RHEB: variants seen among roughly 807,000 people sequenced by gnomAD.
The protein encoded by RHEB is Ras homolog, mTORC1 binding.
A neutral mutation model predicts 28.8 loss-of-function variants in RHEB; 2 were observed. The observed-to-expected ratio is 0.07, with a 90% CI of 0.03 to 0.22. The LOEUF (loss-of-function observed/expected upper bound fraction) is 0.22, where lower values mean the gene tolerates loss of function less well. RHEB is among the 10% of genes least tolerant of loss of function. The probability of loss-of-function intolerance (pLI) is 1.00; values close to 1 mark genes in which losing one functional copy is unlikely to be tolerated. For synonymous variants in RHEB, 69 were observed against 77.3 expected (o/e 0.89, Z 0.56); for missense variants, 76 against 219.9 (o/e 0.35, Z 4.14).
intron 1 of RHEB, among the ~76,000 whole-genome samples, chr7:151,511,035 G>A (rs1295871283): frequency 6.6e-6 from 1 of 151,942 alleles, no homozygotes; most frequent in East Asian, 1.9e-4. Context: ...CCGAGATCGC[G>A]ACATTGCACT....
intron 1 of RHEB, among the ~76,000 whole-genome samples, chr7:151,496,385 A>C (rs1467748768): frequency 6.6e-6 from 1 of 151,940 alleles, no homozygotes; most frequent in East Asian, 1.9e-4. Context: ...TCTAATCCAA[A>C]CCATCTCTAC....
chr7:151,514,466 T>C (rs1803042177), intron 1 of RHEB, among the ~76,000 whole-genome samples: 1 of 152,070 alleles, frequency 6.6e-6, no homozygotes, highest in Non-Finnish European at 1.5e-5. Context: ...GCAAATCCTA[T>C]GATACCACTT....
chr7:151,482,923 G>A (rs1444790378), intron 3 of RHEB, among the ~76,000 whole-genome samples: 1 of 152,130 alleles, frequency 6.6e-6, no homozygotes, highest in Non-Finnish European at 1.5e-5. Flanking sequence ...CCCTAACAGA[G>A]ACTTCTACTG....
At chr7:151,467,484 C>T (rs1443682834) in intron 7 of RHEB, among the ~76,000 whole-genome samples, 1 of 151,930 alleles carries the variant, frequency 6.6e-6, no homozygotes, top group Non-Finnish European at 1.5e-5. Flanking sequence ...CTCCCAGACT[C>T]ACCACCATCT....
chr7:151,505,557 C>T (rs1029367710), intron 1 of RHEB, among the ~76,000 whole-genome samples: 1 of 152,174 alleles, frequency 6.6e-6, no homozygotes, highest in African/African-American at 2.4e-5. Context: ...CTAGTGGAGG[C>T]ATAAAATGGT....
At chr7:151,477,760 C>T (rs973807168) in intron 3 of RHEB, among the ~76,000 whole-genome samples, 1 of 152,140 alleles carries the variant, frequency 6.6e-6, no homozygotes, top group Non-Finnish European at 1.5e-5. Context: ...TTCTAGACCT[C>T]AGGACATTTA....
chr7:151,473,696 T>A (rs1196995359), intron 4 of RHEB, among the ~76,000 whole-genome samples: 1 of 152,188 alleles, frequency 6.6e-6, no homozygotes, highest in East Asian at 1.9e-4. Flanking sequence ...CTGATTAAAC[T>A]ACGAGCTACT....
intron 3 of RHEB, among the ~76,000 whole-genome samples, chr7:151,481,531 T>C (rs1802381921): frequency 6.6e-6 from 1 of 152,216 alleles, no homozygotes; most frequent in Non-Finnish European, 1.5e-5. Flanking sequence ...ATAAAGCAGC[T>C]CTTGGAGCAG....
intron 1 of RHEB, among the ~76,000 whole-genome samples, chr7:151,504,873 A>G (rs1802838562): frequency 6.6e-6 from 1 of 152,156 alleles, no homozygotes. Flanking sequence ...ACCTCAAAAA[A>G]AAAAAAGAAA....
chr7:151,481,255 G>A (rs1056068619), intron 3 of RHEB, among the ~76,000 whole-genome samples: 6 of 151,708 alleles, frequency 4.0e-5, no homozygotes, highest in Non-Finnish European at 7.4e-5. Context: ...ATTTAACCAT[G>A]TTCATCATCA....
chr7:151,468,512 C>T lies in RHEB; in HGVS notation c.463-1301G>A, dbSNP rs964425656. Among the ~76,000 whole-genome samples the T allele has an allele frequency of 6.6e-6, 1 of 152,246 alleles. No individual in the cohort carries two copies. The highest frequency in any genetic ancestry group is 1.5e-5 in the Non-Finnish European group (1 of 68,044). ...AGACACTTGGTGCTGCCTAGCCACC[C>T]GCCTGCATCCCTGGATCTGGGCACT... On this transcript the variant is annotated intron_variant, in intron 7 of 7. Transcript: ENST00000262187. The surrounding 1 kb of genome is among the most constrained non-coding windows in gnomAD (Gnocchi z 4.3).
At chr7:151,476,835 A>T (rs1433328336) in intron 4 of RHEB, among the ~76,000 whole-genome samples, 1 of 152,232 alleles carries the variant, frequency 6.6e-6, no homozygotes, top group African/African-American at 2.4e-5. Context: ...ATAAGAGGAG[A>T]CATGAAATAC....
intron 1 of RHEB, among the ~76,000 whole-genome samples, chr7:151,492,772 G>A (rs1271415681): frequency 6.6e-6 from 1 of 151,494 alleles, no homozygotes; most frequent in Non-Finnish European, 1.5e-5. Flanking sequence ...ACCTACATGA[G>A]CATTTGAAAA....
intron 3 of RHEB, among the ~76,000 whole-genome samples, chr7:151,483,913 A>T (rs970330590): frequency 2.0e-5 from 3 of 152,154 alleles, no homozygotes; most frequent in Non-Finnish European, 2.9e-5. Flanking sequence ...GCTTCCAGCC[A>T]ATTCCCTGGT....
chr7:151,513,272 T>C (rs79241162), intron 1 of RHEB, among the ~76,000 whole-genome samples: 2,992 of 152,328 alleles, frequency 0.02, 103 homozygotes, highest in African/African-American at 0.068. Context: ...GCAAGAATGA[T>C]GACAAACTAT....
chr7:151,467,251 A>G, intron 7 of RHEB, 40 bp from the exon 8 acceptor site: 1 of 1,440,138 alleles, frequency 6.9e-7, no homozygotes, highest in Non-Finnish European at 9.8e-7. Flanking sequence ...GTTAGTGTGA[A>G]GCCGAACTCC....
intron 1 of RHEB, among the ~76,000 whole-genome samples, chr7:151,513,928 C>G (rs1436008644): frequency 4.6e-5 from 7 of 152,098 alleles, no homozygotes; most frequent in African/African-American, 1.7e-4. Context: ...TATGGAAATG[C>G]AAGGGACTGA....
intron 1 of RHEB, among the ~76,000 whole-genome samples, chr7:151,493,953 T>C (rs1259058513): frequency 6.6e-6 from 1 of 152,094 alleles, no homozygotes; most frequent in African/African-American, 2.4e-5. Flanking sequence ...TGAAATTTAA[T>C]TAGAAAGAAA....
intron 1 of RHEB, among the ~76,000 whole-genome samples, chr7:151,508,698 C>G (rs59978640): frequency 1.9e-3 from 284 of 150,984 alleles, no homozygotes; most frequent in African/African-American, 6.4e-3. Context: ...GCTGTGTTGC[C>G]CAGGTTGTTC....
Sources: gnomAD v4.1 joint callset for allele counts (sites outside exome capture counted in the v4.1 genomes callset) on GRCh38, gnomAD v4.1.1 for gene constraint, Gnocchi (gnomAD v3.1) non-coding constraint, MANE v1.5 for transcripts, NCBI Gene and HGNC (gene_info 2026-07-23, HGNC 2026-07-21) for gene names.